TMEM135: variants seen among roughly 807,000 people sequenced by gnomAD.
TMEM135 encodes the protein transmembrane protein 135, also known as peroxisomal membrane protein 52.
TMEM135 carries 30 observed loss-of-function variants against 60.3 expected under a neutral mutation model. The ratio of observed to expected loss-of-function variants is 0.50; its 90% CI spans 0.37 to 0.68. TMEM135 has a LOEUF of 0.68. TMEM135 is among the 30% of genes least tolerant of loss of function. TMEM135 has a pLI of 0.00. For missense variants in TMEM135, 468 were observed against 548.8 expected (o/e 0.85, Z 1.47); for synonymous variants, 190 against 186.7 (o/e 1.02, Z -0.14).
At position 87,313,415 on chromosome 11, in the gene TMEM135, C is replaced by G; in HGVS notation, c.937-10C>G. The G allele has an allele frequency of 6.2e-7, 1 of 1,605,736 alleles. No individual in the cohort carries two copies. The highest frequency in any genetic ancestry group is 1.1e-5 in the South Asian group (1 of 90,642). ...AATAACTGAAGTCATTGTATTTTCT[C>G]CTTAACTAGGGTACTAGTTGCTTCC... On this transcript the variant is annotated splice_polypyrimidine_tract_variant and intron_variant, in intron 10 of 14. Coordinates refer to ENST00000305494, the MANE Select transcript of TMEM135 (RefSeq NM_022918.4).
At chr11:87,197,527 C>A (rs1376621725) in intron 5 of TMEM135, among the ~76,000 whole-genome samples, 3 of 151,960 alleles carry the variant, frequency 2.0e-5, no homozygotes, top group African/African-American at 7.2e-5. Flanking sequence ...TTACTAAGTG[C>A]AATTTGCTAA....
At chr11:87,083,030 A>G (rs984538431) in intron 3 of TMEM135, among the ~76,000 whole-genome samples, 1 of 152,228 alleles carries the variant, frequency 6.6e-6, no homozygotes, top group African/African-American at 2.4e-5. Context: ...CTTCATCTAT[A>G]TTGGTTTAAG....
intron 5 of TMEM135, among the ~76,000 whole-genome samples, chr11:87,193,529 T>A (rs78789482): frequency 0.021 from 3,162 of 152,142 alleles, 35 homozygotes; most frequent in South Asian, 0.032. Context: ...GTAGTGAGAA[T>A]TGAAAATCAC....
chr11:87,055,104 G>C (rs1271903289), intron 1 of TMEM135, among the ~76,000 whole-genome samples: 2 of 152,196 alleles, frequency 1.3e-5, no homozygotes, highest in African/African-American at 4.8e-5. Flanking sequence ...AAGACGTTCA[G>C]AATGTTACTA....
rs749983830 is a variant in TMEM135 at position 87,321,299 on chromosome 11, C to G, written c.1343C>G (p.Thr448Ser). The change falls in exon 15 of 15, where the codon ACT becomes AGT. Residue 448 changes from threonine to serine, a missense_variant. Thr to Ser is a moderately conservative substitution (Grantham distance 58). Transcript: ENST00000305494. ...FIPRLDPRYTTVTPELPTEFS is the reference protein window; with the variant it reads ...FIPRLDPRYTSVTPELPTEFS ...CCCAGGTTGGATCCAAGATACACAA[C>G]TGTAACACCAGAGTTGCCCACAGAG... 3.7e-6 allele frequency: 6 copies of G among 1,613,754 alleles called. No homozygotes were observed. In the South Asian group the frequency reaches 6.6e-5, roughly 18 times the overall value.
chr11:87,181,276 T>C (rs1939507703), intron 5 of TMEM135, among the ~76,000 whole-genome samples: 1 of 152,084 alleles, frequency 6.6e-6, no homozygotes, highest in African/African-American at 2.4e-5. Flanking sequence ...GAAATTATAA[T>C]ATCTGAACAA....
intron 4 of TMEM135, among the ~76,000 whole-genome samples, chr11:87,139,949 T>G (rs1055159426): frequency 6.6e-6 from 1 of 152,200 alleles, no homozygotes; most frequent in Non-Finnish European, 1.5e-5. Flanking sequence ...TTCAATTTTT[T>G]GGGTTGTGTA....
chr11:87,147,230 C>G (rs1053382748), intron 4 of TMEM135, among the ~76,000 whole-genome samples: 16 of 152,004 alleles, frequency 1.1e-4, no homozygotes, highest in African/African-American at 3.9e-4. Context: ...GGCTGAGGCA[C>G]AAGAATCGCT....
chr11:87,260,040 T>C (rs1374961135), intron 6 of TMEM135, among the ~76,000 whole-genome samples: 1 of 152,198 alleles, frequency 6.6e-6, no homozygotes, highest in Non-Finnish European at 1.5e-5. Context: ...GACCTCTGAA[T>C]CTCAGCTGCT....
At chr11:87,248,575 T>A (rs1040771583) in intron 6 of TMEM135, among the ~76,000 whole-genome samples, 4 of 152,196 alleles carry the variant, frequency 2.6e-5, no homozygotes, top group African/African-American at 9.6e-5. Context: ...TTCTTCTTGC[T>A]TATGATAGCT....
At position 87,327,426 on chromosome 11, in the gene TMEM135, C is replaced by T. The variant is rs956286976; in HGVS notation, c.*6093C>T. 8.8e-6 allele frequency: 4 copies of T among 453,946 alleles called. No individual in the cohort carries two copies. Among genetic ancestry groups the T allele is most frequent in the Non-Finnish European group, 1.8e-5 (4 of 226,800 alleles). The allele number at this position is 453,946 out of a possible 1,614,324, so 28.1% of individuals were successfully genotyped here. ...TGAGCCACTGAATGGTGCCATTAACCATCTGCATTTGAGCATTTTGAGAAA... is the reference window on the plus strand; with the variant it reads ...TGAGCCACTGAATGGTGCCATTAACTATCTGCATTTGAGCATTTTGAGAAA... On this transcript the variant is annotated 3_prime_UTR_variant, in exon 15 of 15. Coordinates refer to ENST00000305494, the MANE Select transcript of TMEM135 (RefSeq NM_022918.4).
At chr11:87,104,018 C>T (rs1017012354) in intron 4 of TMEM135, among the ~76,000 whole-genome samples, 1 of 152,214 alleles carries the variant, frequency 6.6e-6, no homozygotes, top group East Asian at 1.9e-4. Context: ...TAGACCAGTG[C>T]CATGAAGCTT....
At chr11:87,075,450 G>A (rs1590999340) in intron 3 of TMEM135, among the ~76,000 whole-genome samples, 1 of 152,122 alleles carries the variant, frequency 6.6e-6, no homozygotes, top group East Asian at 1.9e-4. Flanking sequence ...CACTGCACCC[G>A]GTCCAATTTT....
intron 6 of TMEM135, among the ~76,000 whole-genome samples, chr11:87,270,119 A>T (rs11501860): frequency 1.5e-5 from 2 of 136,660 alleles, no homozygotes; most frequent in African/African-American, 5.4e-5. Flanking sequence ...TTTTTCATGC[A>T]TCTTTTGGCT....
At chr11:87,101,954 C>A (rs1857467650) in intron 4 of TMEM135, among the ~76,000 whole-genome samples, 1 of 151,882 alleles carries the variant, frequency 6.6e-6, no homozygotes, top group Non-Finnish European at 1.5e-5. Flanking sequence ...GCCTGGGCAA[C>A]AAGAGCAAAA....
At chr11:87,316,509 T>G (rs780522846) in intron 12 of TMEM135, among the ~76,000 whole-genome samples, 2 of 152,012 alleles carry the variant, frequency 1.3e-5, no homozygotes, top group Non-Finnish European at 2.9e-5. Flanking sequence ...GCCACTATTT[T>G]AGAGGGAGGC....
chr11:87,300,114 C>G (rs990683814), intron 7 of TMEM135, among the ~76,000 whole-genome samples: 11 of 152,128 alleles, frequency 7.2e-5, no homozygotes, highest in Admixed American at 3.3e-4. Context: ...ATAATAGCTT[C>G]TATAGTGAGC....
intron 4 of TMEM135, chr11:87,121,447 A>G (rs2135215948): frequency 6.6e-6 from 1 of 152,220 alleles, no homozygotes; most frequent in East Asian, 1.9e-4. Flanking sequence ...AATGTTAAAT[A>G]TAGGAGAAGC....
rs540131858 is a variant in TMEM135, at chr11:87,080,951, G to T, written c.362+9336G>T. On this transcript the variant is annotated intron_variant, in intron 3 of 14. Coordinates refer to ENST00000305494, the MANE Select transcript of TMEM135 (RefSeq NM_022918.4). The stretch of plus-strand genomic sequence containing the variant: ...TCCACACGCCTTGGCCTCCCGAAGT[G>T]CTGGGATTACAGGCATGAGCCACCG... Among the ~76,000 whole-genome samples the T allele has an allele frequency of 4.0e-4, 61 of 152,342 alleles. No homozygotes were observed. The South Asian group carries it at 8.1e-3, about 20-fold the overall frequency.
Sources: gnomAD v4.1 joint callset for allele counts (sites outside exome capture counted in the v4.1 genomes callset) on GRCh38, gnomAD v4.1.1 for gene constraint, MANE v1.5 for transcripts, NCBI Gene and HGNC (gene_info 2026-07-23, HGNC 2026-07-21) for gene names.